PPM1L: variants seen among roughly 807,000 people sequenced by gnomAD.
PPM1L encodes protein phosphatase, Mg2+/Mn2+ dependent 1L, also known as protein phosphatase 1L.
A neutral mutation model predicts 31.4 loss-of-function variants in PPM1L; 13 were observed. The observed-to-expected ratio is 0.41, with a 90% CI of 0.27 to 0.66. PPM1L has a LOEUF of 0.66. PPM1L is among the 30% of genes least tolerant of loss of function. The pLI is 0.29. For missense variants in PPM1L, 326 were observed against 453.7 expected (o/e 0.72, Z 2.56); for synonymous variants, 184 against 175.4 (o/e 1.05, Z -0.39).
At chr3:161,028,276 AG>A (rs1718466385) in intron 2 of PPM1L, among the ~76,000 whole-genome samples, 1 of 152,174 alleles carries the variant, frequency 6.6e-6, no homozygotes, top group Non-Finnish European at 1.5e-5. Context: ...GTAAATTCTA[AG>A]AAATTTTTTT....
intron 1 of PPM1L, among the ~76,000 whole-genome samples, chr3:160,931,335 A>G (rs1340758030): frequency 2.6e-5 from 4 of 152,226 alleles, no homozygotes; most frequent in Admixed American, 1.3e-4. Flanking sequence ...AAATTGCTAG[A>G]GAACAGGAGA....
chr3:160,833,049 T>C (rs1042747071), intron 1 of PPM1L, among the ~76,000 whole-genome samples: 14 of 152,242 alleles, frequency 9.2e-5, no homozygotes, highest in Admixed American at 2.6e-4. Flanking sequence ...GTTAGTTTGC[T>C]GAAGATAATG....
chr3:160,937,697 A>G (rs912979915), intron 1 of PPM1L, among the ~76,000 whole-genome samples: 2 of 152,326 alleles, frequency 1.3e-5, no homozygotes, highest in East Asian at 1.9e-4. Context: ...TAAAATGGCT[A>G]TTGTCTGCTT....
chr3:160,770,436 T>A (rs1168709458), intron 1 of PPM1L, among the ~76,000 whole-genome samples: 1 of 152,098 alleles, frequency 6.6e-6, no homozygotes, highest in East Asian at 1.9e-4. Flanking sequence ...GATGAAAACC[T>A]GTAGAAAGTA....
chr3:160,763,505 A>G (rs1378662), intron 1 of PPM1L, among the ~76,000 whole-genome samples: 6,353 of 152,328 alleles, frequency 0.042, 149 homozygotes, highest in South Asian at 0.05. Context: ...ATAACTTACA[A>G]TGACAAAAAT....
chr3:161,031,888 A>G (rs1042793923), intron 2 of PPM1L, among the ~76,000 whole-genome samples: 14 of 152,080 alleles, frequency 9.2e-5, no homozygotes, highest in African/African-American at 3.4e-4. Context: ...GCTGTTCCCA[A>G]ACAGCTTTCT....
intron 1 of PPM1L, among the ~76,000 whole-genome samples, chr3:160,778,821 A>G (rs111740251): frequency 0.017 from 2,536 of 152,326 alleles, 69 homozygotes; most frequent in African/African-American, 0.057. Context: ...GGACTATTTC[A>G]CAGAAAACCT....
At chr3:161,028,868 C>T (rs1432960613) in intron 2 of PPM1L, among the ~76,000 whole-genome samples, 1 of 152,178 alleles carries the variant, frequency 6.6e-6, no homozygotes, top group Non-Finnish European at 1.5e-5. Context: ...TACTCCTTAA[C>T]ATGCAACTTG....
intron 1 of PPM1L, among the ~76,000 whole-genome samples, chr3:160,949,017 A>T (rs1304515380): frequency 6.6e-6 from 1 of 152,158 alleles, no homozygotes; most frequent in Non-Finnish European, 1.5e-5. Context: ...GTCCTACCCT[A>T]AAAAAAGTTG....
chr3:160,763,273 G>A (rs1332705902), intron 1 of PPM1L, among the ~76,000 whole-genome samples: 2 of 152,130 alleles, frequency 1.3e-5, no homozygotes, highest in Admixed American at 6.5e-5. Context: ...ATCCCTTTCC[G>A]CTGTGACTCA....
intron 1 of PPM1L, among the ~76,000 whole-genome samples, chr3:160,787,139 C>T (rs759158457): frequency 1.5e-4 from 23 of 152,094 alleles, no homozygotes; most frequent in Non-Finnish European, 3.1e-4. Context: ...ATTACTGGGT[C>T]GAATGGGAGT....
chr3:160,965,791 A>G (rs1716123058), intron 2 of PPM1L, among the ~76,000 whole-genome samples: 1 of 152,074 alleles, frequency 6.6e-6, no homozygotes, highest in African/African-American at 2.4e-5. Flanking sequence ...GTTAATTATT[A>G]GTTAGAAGAT....
intron 2 of PPM1L, among the ~76,000 whole-genome samples, chr3:161,014,828 T>A (rs1321286941): frequency 6.6e-6 from 1 of 152,212 alleles, no homozygotes; most frequent in Non-Finnish European, 1.5e-5. Flanking sequence ...TTTCTCAGAC[T>A]TGCCTTCATG....
intron 2 of PPM1L, among the ~76,000 whole-genome samples, chr3:160,978,142 C>G (rs900275697): frequency 1.3e-5 from 2 of 152,158 alleles, no homozygotes; most frequent in South Asian, 4.1e-4. Context: ...CTGCTTAAGC[C>G]CAGGTACCTT....
chr3:160,845,996 C>G (rs1187465078), intron 1 of PPM1L, among the ~76,000 whole-genome samples: 1 of 151,792 alleles, frequency 6.6e-6, no homozygotes, highest in African/African-American at 2.4e-5. Context: ...CTCCATTTTT[C>G]CAATTGCAAA....
chr3:160,828,099 C>G (rs1192678787), intron 1 of PPM1L, among the ~76,000 whole-genome samples: 3 of 152,004 alleles, frequency 2.0e-5, no homozygotes, highest in African/African-American at 7.2e-5. Flanking sequence ...GCCGCACCTC[C>G]AGCATTGGTG....
intron 1 of PPM1L, among the ~76,000 whole-genome samples, chr3:160,837,459 T>G (rs372971761): frequency 6.6e-6 from 1 of 152,220 alleles, no homozygotes; most frequent in Non-Finnish European, 1.5e-5. Context: ...AAGTTGTGCA[T>G]GTAGAGAAGG....
chr3:160,767,308 A>G (rs1219235079), intron 1 of PPM1L, among the ~76,000 whole-genome samples: 1 of 151,138 alleles, frequency 6.6e-6, no homozygotes, highest in East Asian at 2.0e-4. Context: ...ATCTCGGTTC[A>G]CTGCAAACTC....
rs563653334 is a variant in PPM1L at position 160,766,384 on chromosome 3, G to A, written c.399+9677G>A. On this transcript the variant is annotated intron_variant, in intron 1 of 3. Coordinates refer to ENST00000498165, the MANE Select transcript of PPM1L (RefSeq NM_139245.4). ...TCGTGGAAGGTGATTAGATCATGGG[G>A]GGACTAGATCATTAGATCTGGGGAT... is the stretch of plus-strand genomic sequence containing the variant. Among the ~76,000 whole-genome samples the A allele has an allele frequency of 2.6e-5, 4 of 152,204 alleles. No homozygotes were observed. The East Asian group carries it at 5.8e-4, about 22-fold the overall frequency.
Sources: gnomAD v4.1 joint callset for allele counts (sites outside exome capture counted in the v4.1 genomes callset) on GRCh38, gnomAD v4.1.1 for gene constraint, MANE v1.5 for transcripts, NCBI Gene and HGNC (gene_info 2026-07-23, HGNC 2026-07-21) for gene names.